Variants in PPARGC1A observed in about 807,000 individuals in gnomAD.
The protein encoded by PPARGC1A is peroxisome proliferator-activated receptor gamma coactivator 1-alpha.
A neutral mutation model predicts 88.7 loss-of-function variants in PPARGC1A; 25 were observed. The ratio of observed to expected loss-of-function variants is 0.28; its 90% CI spans 0.21 to 0.39. PPARGC1A has a LOEUF of 0.39. Among genes scored for constraint, PPARGC1A ranks in the 10% least tolerant of loss-of-function variants. PPARGC1A has a pLI of 1.00. For synonymous variants in PPARGC1A, 363 were observed against 355.6 expected (o/e 1.02, Z -0.24); for missense variants, 880 against 968.7 (o/e 0.91, Z 1.22).
At chr4:23,905,414 C>A (rs1719917340), upstream of PPARGC1A, among the ~76,000 whole-genome samples, 1 of 152,154 alleles carries the variant, frequency 6.6e-6, no homozygotes, top group Non-Finnish European at 1.5e-5. Flanking sequence ...CCATCTTAAT[C>A]CTGAAAGTTT....
the PPARGC1A span, among the ~76,000 whole-genome samples, chr4:24,048,664 G>C: frequency 6.6e-6 from 1 of 152,262 alleles, no homozygotes; most frequent in African/African-American, 2.4e-5. Flanking sequence ...TGAGAATCAT[G>C]TCTCAACTGT....
the PPARGC1A span, among the ~76,000 whole-genome samples, chr4:24,286,276 C>A: frequency 1.3e-5 from 2 of 152,192 alleles, no homozygotes; most frequent in Admixed American, 1.3e-4. Context: ...GGCTTCTACT[C>A]ACAGAGGGAA....
chr4:24,121,791 C>T, the PPARGC1A span, among the ~76,000 whole-genome samples: 1 of 152,170 alleles, frequency 6.6e-6, no homozygotes, highest in Non-Finnish European at 1.5e-5. Flanking sequence ...GCTTTGATGA[C>T]ACTGCCTATT....
chr4:24,204,197 T>A, the PPARGC1A span, among the ~76,000 whole-genome samples: 1 of 151,706 alleles, frequency 6.6e-6, no homozygotes. Flanking sequence ...CAGTAAAGAG[T>A]TAAGGGGCCT....
chr4:24,300,961 G>C, the PPARGC1A span, among the ~76,000 whole-genome samples: 4 of 152,044 alleles, frequency 2.6e-5, no homozygotes, highest in South Asian at 4.2e-4. Context: ...ACAGATGAGA[G>C]AGCAGAAGGA....
chr4:24,438,418 A>G, the PPARGC1A span, among the ~76,000 whole-genome samples: 1 of 152,216 alleles, frequency 6.6e-6, no homozygotes, highest in East Asian at 1.9e-4. Context: ...ACTGGCTGAA[A>G]ACAATTATCC....
chr4:23,976,163 G>T, the PPARGC1A span, among the ~76,000 whole-genome samples: 1 of 152,224 alleles, frequency 6.6e-6, no homozygotes, highest in African/African-American at 2.4e-5. Context: ...GAGCACAAGG[G>T]TGAATAAACT....
In PPARGC1A at chr4:23,792,793, T is replaced by TA. The variant is rs1056901389; in HGVS notation, c.*3028dup. ...TTTGAAATATTCTCTCCCAAAAAAA[T>TA]AAAAATAAAAATGAGAGGAGCACAG... On this transcript the variant is annotated 3_prime_UTR_variant, in exon 13 of 13. Coordinates refer to ENST00000264867, the MANE Select transcript of PPARGC1A (RefSeq NM_013261.5). 6.6e-6 allele frequency: 1 copy of TA among 152,186 alleles called. No individual in the cohort carries two copies. The highest frequency in any genetic ancestry group is 1.5e-5 in the Non-Finnish European group (1 of 67,938). 9.4% of individuals were successfully genotyped at this position (152,186 alleles called of 1,614,324 possible). A position where few individuals can be genotyped will look rare whatever the true frequency, so the allele number is the denominator to read the frequency against.
Position 23,814,513 on chromosome 4 carries a change from C to G in PPARGC1A, c.970G>C (p.Val324Leu). ...PKLKSSCKTV[V>L]PPPSKKPRYS... ...CTGGGCTTCTTTGATGGTGGTGGCA[C>G]CACAGTCTTGCAAGAGGACTTCAGC... Residue 324 changes from valine to leucine, a missense_variant, in exon 8 of 13, where the codon GTG becomes CTG. Physicochemically the swap from Val to Leu is conservative, Grantham distance 32 (BLOSUM62 1). Transcript: ENST00000264867. 1 of 1,612,556 alleles carries G rather than the reference C, an allele frequency of 6.2e-7. No homozygotes were observed. Among genetic ancestry groups the G allele is most frequent in the Non-Finnish European group, 8.5e-7 (1 of 1,179,728 alleles).
the PPARGC1A span, among the ~76,000 whole-genome samples, chr4:24,015,890 T>C: frequency 6.6e-5 from 10 of 152,164 alleles, no homozygotes; most frequent in Admixed American, 1.3e-4. Flanking sequence ...GAAGAGAACA[T>C]ACCTGCTTTA....
chr4:24,166,359 T>G, the PPARGC1A span, among the ~76,000 whole-genome samples: 1 of 152,192 alleles, frequency 6.6e-6, no homozygotes, highest in African/African-American at 2.4e-5. Context: ...CTGCAGCAAG[T>G]CACCCAGAGG....
At chr4:24,136,390 A>G in the PPARGC1A span, among the ~76,000 whole-genome samples, 1 of 152,174 alleles carries the variant, frequency 6.6e-6, no homozygotes, top group East Asian at 1.9e-4. Context: ...GTATCACTAA[A>G]CTTGTAAACA....
the PPARGC1A span, among the ~76,000 whole-genome samples, chr4:23,913,267 TAGAGAGAGAGAGAGAGAGAGAGAG>T: frequency 6.4e-5 from 5 of 77,532 alleles, no homozygotes; most frequent in Admixed American, 4.7e-4. Context: ...TATATATATA[TAGAGAGAGAGAGAGAGAGAGAGAG>T]AGAGAGAGAG....
At chr4:24,038,989 T>C in the PPARGC1A span, among the ~76,000 whole-genome samples, 2 of 152,178 alleles carry the variant, frequency 1.3e-5, no homozygotes, top group African/African-American at 4.8e-5. Context: ...TTACACAATT[T>C]AATTACATTC....
At chr4:24,372,287 G>C in the PPARGC1A span, among the ~76,000 whole-genome samples, 1 of 152,170 alleles carries the variant, frequency 6.6e-6, no homozygotes, top group Non-Finnish European at 1.5e-5. Flanking sequence ...TCTCAAAGTT[G>C]GTTCCACGTA....
At chr4:23,937,256 G>A in the PPARGC1A span, among the ~76,000 whole-genome samples, 2 of 151,874 alleles carry the variant, frequency 1.3e-5, no homozygotes, top group African/African-American at 2.4e-5. Context: ...TCTGCCTTTC[G>A]TTTATTTATT....
At chr4:24,220,800 A>G in the PPARGC1A span, among the ~76,000 whole-genome samples, 2 of 152,362 alleles carry the variant, frequency 1.3e-5, no homozygotes, top group African/African-American at 2.4e-5. Context: ...CTGGATCATT[A>G]GAAACCCAAA....
chr4:23,889,405 T>C, intron 1 of PPARGC1A: 1 of 980,930 alleles, frequency 1.0e-6, no homozygotes, highest in Non-Finnish European at 1.2e-6. Context: ...AGCAGGATTA[T>C]TTAGGATTTT....
chr4:24,372,882 A>G, the PPARGC1A span, among the ~76,000 whole-genome samples: 1 of 152,204 alleles, frequency 6.6e-6, no homozygotes, highest in Non-Finnish European at 1.5e-5. Context: ...CTTGGAAGTG[A>G]AGGAGGTTCT....
Sources: gnomAD v4.1 joint callset for allele counts (sites outside exome capture counted in the v4.1 genomes callset) on GRCh38, gnomAD v4.1.1 for gene constraint, MANE v1.5 for transcripts, NCBI Gene and HGNC (gene_info 2026-07-23, HGNC 2026-07-21) for gene names.